Variants in WDR72 observed in about 807,000 individuals in gnomAD.
WDR72 encodes WD repeat domain 72.
WDR72 carries 120 observed loss-of-function variants against 124.2 expected under a neutral mutation model. The ratio of observed to expected loss-of-function variants is 0.97; its 90% CI spans 0.83 to 1.12. WDR72 has a LOEUF of 1.12. Ranked by LOEUF, WDR72 falls within the 50% of genes most tolerant of loss-of-function variation. The pLI is 0.00. For missense variants in WDR72, 1,387 were observed against 1,278.8 expected (o/e 1.08, Z -1.29); for synonymous variants, 452 against 441.7 (o/e 1.02, Z -0.29).
intron 18 of WDR72, among the ~76,000 whole-genome samples, chr15:53,540,031 C>T (rs575566933): frequency 2.0e-5 from 3 of 152,142 alleles, no homozygotes; most frequent in East Asian, 3.9e-4. Context: ...TAAATAAAGA[C>T]ACAGAGAAGA....
chr15:53,727,701 C>G (rs577122321), intron 2 of WDR72, among the ~76,000 whole-genome samples: 2 of 152,272 alleles, frequency 1.3e-5, no homozygotes, highest in South Asian at 4.2e-4. Context: ...AGGATATTCC[C>G]TCCTCCAGAG....
At chr15:53,580,028 G>A (rs1195841976) in intron 18 of WDR72, among the ~76,000 whole-genome samples, 1 of 151,924 alleles carries the variant, frequency 6.6e-6, no homozygotes, top group East Asian at 1.9e-4. Context: ...CTGGTACTAC[G>A]GTAGGCTCTG....
intron 1 of WDR72, among the ~76,000 whole-genome samples, chr15:53,746,033 G>T (rs1270021008): frequency 6.6e-6 from 1 of 152,140 alleles, no homozygotes; most frequent in Non-Finnish European, 1.5e-5. Flanking sequence ...CAAAACAAGA[G>T]CAATAAACCT....
chr15:53,673,742 C>G (rs8039473), intron 13 of WDR72, among the ~76,000 whole-genome samples: 33,251 of 152,122 alleles, frequency 0.22, 3,805 homozygotes, highest in East Asian at 0.28. Flanking sequence ...GTAATCCCAG[C>G]ACTTTGGGAG....
chr15:53,556,654 T>C (rs1893943837), intron 18 of WDR72, among the ~76,000 whole-genome samples: 1 of 152,130 alleles, frequency 6.6e-6, no homozygotes, highest in Non-Finnish European at 1.5e-5. Flanking sequence ...TGGGAAATCA[T>C]AGAGAATCCT....
At chr15:53,533,191 C>A (rs1892575232) in intron 18 of WDR72, among the ~76,000 whole-genome samples, 1 of 151,942 alleles carries the variant, frequency 6.6e-6, no homozygotes, top group South Asian at 2.1e-4. Flanking sequence ...ATTGAAGAGG[C>A]CATCCAAAGG....
chr15:53,722,853 C>G lies in WDR72; in HGVS notation c.209G>C (p.Arg70Thr). The change falls in exon 3 of 20, where the codon AGA becomes ACA. Residue 70 changes from arginine (R) to threonine (T), a missense_variant. Arg to Thr is a moderately conservative substitution (Grantham distance 71, BLOSUM62 -1). Coordinates refer to ENST00000360509, the MANE Select transcript of WDR72 (RefSeq NM_182758.4). ...GGGCTGTTTAGAGAAGTCCCTTGCT[C>G]TTGCCAAACATGTTACCGAAGCTGA... Reference protein sequence around the residue: ...GHSASVTCLARARDFSKQPYI... With the variant: ...GHSASVTCLATARDFSKQPYI... 6.2e-7 allele frequency: 1 copy of G among 1,612,778 alleles called. No homozygotes were observed. Among genetic ancestry groups the G allele is most frequent in the Non-Finnish European group, 8.5e-7 (1 of 1,180,008 alleles).
chr15:53,730,621 C>T (rs1026422041), intron 2 of WDR72, among the ~76,000 whole-genome samples: 2 of 152,082 alleles, frequency 1.3e-5, no homozygotes, highest in African/African-American at 4.8e-5. Flanking sequence ...CACTTTACAA[C>T]CTCCCATGCC....
intron 18 of WDR72, among the ~76,000 whole-genome samples, chr15:53,530,340 C>G (rs1172800292): frequency 6.6e-6 from 1 of 151,720 alleles, no homozygotes; most frequent in Non-Finnish European, 1.5e-5. Flanking sequence ...TCAGAAACAT[C>G]TGAAAGGATC....
At chr15:53,690,714 C>T (rs549601992) in intron 13 of WDR72, among the ~76,000 whole-genome samples, 42 of 152,230 alleles carry the variant, frequency 2.8e-4, no homozygotes, top group African/African-American at 1.0e-3. Context: ...CATTGATGGA[C>T]ATTTAGGTTG....
At chr15:53,619,930 G>A (rs57971691) in intron 14 of WDR72, among the ~76,000 whole-genome samples, 19,191 of 151,908 alleles carry the variant, frequency 0.13, 2,731 homozygotes, top group African/African-American at 0.35. Context: ...CAACAAACAG[G>A]TAAACATTGG....
chr15:53,707,354 T>C (rs2017409814), intron 9 of WDR72, among the ~76,000 whole-genome samples: 1 of 151,956 alleles, frequency 6.6e-6, no homozygotes, highest in Admixed American at 6.6e-5. Context: ...AAGAAACCAA[T>C]CCAAGGTCAT....
At chr15:53,744,654 G>A (rs1038154377) in intron 1 of WDR72, among the ~76,000 whole-genome samples, 3 of 152,210 alleles carry the variant, frequency 2.0e-5, no homozygotes, top group Non-Finnish European at 4.4e-5. Context: ...AGGTGGGTAT[G>A]TCTTTTCATT....
In WDR72 at chr15:53,706,348, GTGTATATATA is replaced by G. The variant is rs1180041715; in HGVS notation, c.955-284_955-275del. Among the ~76,000 whole-genome samples, 279 of 57,290 alleles carry G rather than the reference GTGTATATATA, an allele frequency of 4.9e-3. 2 individuals are homozygous for G. The highest frequency in any genetic ancestry group is 0.018 in the African/African-American group (183 of 10,132). The allele number at this position is 57,290 out of a possible 152,430, so 37.6% of individuals were successfully genotyped here. A position where few individuals can be genotyped will look rare whatever the true frequency, so the allele number is the denominator to read the frequency against. On this transcript the variant is annotated intron_variant, in intron 9 of 19. Transcript: ENST00000360509. Reference sequence around the variant, plus strand: ...TATATGTGCGTGTGTGTGTGTGTGTGTGTATATATATATATATATATATATATATATATAT... The same window carrying G: ...TATATGTGCGTGTGTGTGTGTGTGTGTATATATATATATATATATATATAT...
chr15:53,539,255 T>C (rs1892938173), intron 18 of WDR72, among the ~76,000 whole-genome samples: 1 of 152,104 alleles, frequency 6.6e-6, no homozygotes, highest in South Asian at 2.1e-4. Flanking sequence ...GAGCTTTAGA[T>C]AACTAGAATA....
At chr15:53,543,882 C>T (rs1167306141) in intron 18 of WDR72, among the ~76,000 whole-genome samples, 1 of 152,168 alleles carries the variant, frequency 6.6e-6, no homozygotes, top group Admixed American at 6.5e-5. Flanking sequence ...ACTACAAACA[C>T]CTCTACGCAA....
intron 14 of WDR72, among the ~76,000 whole-genome samples, chr15:53,653,259 T>C (rs1362766035): frequency 2.0e-5 from 3 of 152,322 alleles, no homozygotes; most frequent in Admixed American, 6.5e-5. Flanking sequence ...GTGCCAGATA[T>C]GCCAGGTGAT....
At chr15:53,758,950 A>G (rs1045612506) in intron 1 of WDR72, among the ~76,000 whole-genome samples, 21 of 152,208 alleles carry the variant, frequency 1.4e-4, no homozygotes, top group African/African-American at 4.6e-4. Flanking sequence ...CCTTTTCCAG[A>G]TTTTGTCAGC....
chr15:53,584,025 T>C (rs2012071200), intron 18 of WDR72, among the ~76,000 whole-genome samples: 1 of 152,000 alleles, frequency 6.6e-6, no homozygotes, highest in African/African-American at 2.4e-5. Context: ...CCTAATAATC[T>C]GGTCTTACTT....
Sources: allele counts gnomAD v4.1 joint callset (sites outside exome capture counted in the v4.1 genomes callset), GRCh38; gene constraint gnomAD v4.1.1; transcripts MANE v1.5; gene names NCBI Gene and HGNC (gene_info 2026-07-23, HGNC 2026-07-21).